EIF4E3: variants seen among roughly 807,000 people sequenced by gnomAD.
EIF4E3 encodes eukaryotic translation initiation factor 4E type 3.
A neutral mutation model predicts 31.7 loss-of-function variants in EIF4E3; 26 were observed. The observed-to-expected ratio is 0.82, with a 90% CI of 0.60 to 1.14. The LOEUF (loss-of-function observed/expected upper bound fraction) is 1.14, where lower values mean the gene tolerates loss of function less well. Ranked by LOEUF, EIF4E3 falls within the 50% of genes most tolerant of loss-of-function variation. The pLI, the probability that EIF4E3 is intolerant of heterozygous loss-of-function variation, is 0.00. For synonymous variants in EIF4E3, 128 were observed against 107.7 expected, an observed-to-expected ratio of 1.19 and a Z score of -1.17; for missense variants, 304 against 270.9, an observed-to-expected ratio of 1.12 and a Z score of -0.86.
At chr3:71,729,838 G>GTGTGTGTGTGTGTGTGTT (rs1367476617), upstream of EIF4E3, among the ~76,000 whole-genome samples, 1 of 149,962 alleles carries the variant, frequency 6.7e-6, no homozygotes, top group Admixed American at 6.7e-5. Context: ...GTGTGTGTGT[G>GTGTGTGTGTGTGTGTGTT]TATTTAAGTG....
upstream of EIF4E3, chr3:71,753,740 A>T (rs537792030): frequency 1.3e-3 from 199 of 149,654 alleles, no homozygotes; most frequent in Non-Finnish European, 2.5e-3. Context: ...GCAGCGGAGG[A>T]GTAGGAGGAG....
intron 1 of EIF4E3, among the ~76,000 whole-genome samples, chr3:71,712,644 G>GGGGGTGGC (rs35405190): frequency 8.1e-6 from 1 of 123,988 alleles, no homozygotes; most frequent in East Asian, 2.6e-4. Flanking sequence ...GTGGGCGGGG[G>GGGGGTGGC]AGATTCTAGG....
chr3:71,684,630 A>T lies in EIF4E3; in HGVS notation c.*52T>A. 1 of 1,609,788 alleles carries T rather than the reference A, an allele frequency of 6.2e-7. No homozygotes were observed. The highest frequency in any genetic ancestry group is 8.5e-7 in the Non-Finnish European group (1 of 1,176,528). On this transcript the variant is annotated 3_prime_UTR_variant, in exon 7 of 7. Transcript: ENST00000425534. ...TCTCTTCACTCTCCCTCCTGTTAAG[A>T]CCGTTTCCAAAACCAATCAGCAAAG...
chr3:71,666,852 C>T, the EIF4E3 span, among the ~76,000 whole-genome samples: 1 of 152,002 alleles, frequency 6.6e-6, no homozygotes, highest in Admixed American at 6.5e-5. Context: ...GGCAGGAGAA[C>T]AGCTTCAACT....
At position 71,680,425 on chromosome 3, in the gene EIF4E3, G is replaced by A. The variant is rs1244793595; in HGVS notation, c.*4257C>T. 6.6e-6 allele frequency: 1 copy of A among 152,086 alleles called. No homozygotes were observed. The highest frequency in any genetic ancestry group is 1.5e-5 in the Non-Finnish European group (1 of 68,006). The allele number at this position is 152,086 out of a possible 1,614,324, so 9.4% of individuals were successfully genotyped here. ...GAAGCACTGGTAGATGATCTCAAAG[G>A]TCCCTTCCACTCTAAAATTCTAAGA... On this transcript the variant is annotated 3_prime_UTR_variant, in exon 7 of 7. Coordinates refer to ENST00000425534, the MANE Select transcript of EIF4E3 (RefSeq NM_001134651.2).
At chr3:71,669,473 A>G in the EIF4E3 span, among the ~76,000 whole-genome samples, 2 of 152,200 alleles carry the variant, frequency 1.3e-5, no homozygotes, top group Non-Finnish European at 2.9e-5. Flanking sequence ...TTGTCCCCCA[A>G]CAATTGAATT....
chr3:71,662,214 T>C, the EIF4E3 span, among the ~76,000 whole-genome samples: 2 of 152,156 alleles, frequency 1.3e-5, no homozygotes, highest in Admixed American at 1.3e-4. Flanking sequence ...ATAGAACCAC[T>C]TTCCACCAAT....
In EIF4E3 at chr3:71,693,896, A is replaced by T; in HGVS notation, c.451T>A (p.Phe151Ile). The T allele has an allele frequency of 1.3e-6, 2 of 1,583,642 alleles. No homozygotes were observed. The highest frequency in any genetic ancestry group is 1.7e-6 in the Non-Finnish European group (2 of 1,164,716). The change falls in exon 5 of 7, where the codon TTC (phenylalanine) becomes ATC (isoleucine). Residue 151 changes from phenylalanine to isoleucine, a missense_variant. Transcript: ENST00000425534. Reference sequence around the variant, plus strand: ...TTACCTGCTGCGGCACAGTCTGTGAACTGTTCCCCGATGGTTGCTAACAGC... The same window carrying T: ...TTACCTGCTGCGGCACAGTCTGTGATCTGTTCCCCGATGGTTGCTAACAGC... The part of the protein sequence containing the change: ...ELLLATIGEQ[F>I]TDCAAADDEV...
intron 1 of EIF4E3, among the ~76,000 whole-genome samples, chr3:71,747,244 C>A (rs775113959): frequency 6.6e-6 from 1 of 152,184 alleles, no homozygotes; most frequent in Non-Finnish European, 1.5e-5. Flanking sequence ...CCACCCCCAC[C>A]AGCATCATCT....
chr3:71,698,075 CATT>C (rs1340979779), intron 3 of EIF4E3, among the ~76,000 whole-genome samples: 15 of 152,172 alleles, frequency 9.9e-5, no homozygotes, highest in Non-Finnish European at 1.6e-4. Context: ...CACCAGCATT[CATT>C]ATTACCTGTC....
At chr3:71,693,802 A>G in intron 5 of EIF4E3, 73 bp downstream of exon 5, 3 of 1,337,806 alleles carry the variant, frequency 2.2e-6, no homozygotes, top group South Asian at 3.0e-5. Context: ...ACGTGATAAC[A>G]AGCTGCTGCA....
the EIF4E3 span, among the ~76,000 whole-genome samples, chr3:71,662,454 T>C: frequency 3.9e-5 from 6 of 152,230 alleles, no homozygotes; most frequent in Non-Finnish European, 8.8e-5. Context: ...GCCTCATATA[T>C]TGAAAGTGCT....
Position 71,732,237 on chromosome 3 carries a change from A to G in EIF4E3, c.-290-3614T>C, listed in dbSNP as rs138017096. On this transcript the variant is annotated intron_variant, in intron 1 of 7. Coordinates refer to the EIF4E3 transcript ENST00000295612. ...GAGACCTTTCTTCTCTCCTCTGACC[A>G]TCTAAATTGTCTAACCATCCTTCAA... 2.0e-3 allele frequency among the ~76,000 whole-genome samples: 300 copies of G among 152,222 alleles called. 1 individual carries two copies. The highest frequency in any genetic ancestry group is 6.9e-3 in the African/African-American group (285 of 41,534).
At position 71,725,328 on chromosome 3, in the gene EIF4E3, G is replaced by A. The variant is rs967310001; in HGVS notation, c.40C>T (p.Arg14Trp). ...PPAAAPPAGA[R>W]EPPGSRAAAA... is the part of the protein sequence containing the mutation. ...GCGGCGCGGGACCCCGGCGGCTCCCGGGCCCCGGCGGGGGGCGCGGCGGCC... is the reference window on the plus strand; with the variant it reads ...GCGGCGCGGGACCCCGGCGGCTCCCAGGCCCCGGCGGGGGGCGCGGCGGCC... Residue 14 changes from arginine (R) to tryptophan (W), a missense_variant, in exon 1 of 7, where the codon CGG becomes TGG. Coordinates refer to ENST00000425534, the MANE Select transcript of EIF4E3 (RefSeq NM_001134651.2). The surrounding 1 kb of genome is among the most constrained non-coding windows in gnomAD (Gnocchi z 6.1). 2.3e-5 allele frequency: 22 copies of A among 969,192 alleles called. No individual in the cohort carries two copies. Among genetic ancestry groups the A allele is most frequent in the South Asian group, 4.6e-5 (1 of 21,712 alleles). The allele number at this position is 969,192 out of a possible 1,614,324, so 60.0% of individuals were successfully genotyped here.
chr3:71,711,804 C>T (rs1388352752), intron 1 of EIF4E3, among the ~76,000 whole-genome samples: 2 of 152,012 alleles, frequency 1.3e-5, no homozygotes, highest in Admixed American at 6.6e-5. Context: ...TGGTGAAAAC[C>T]CACCTCTACT....
chr3:71,731,192 C>T (rs945130571), intron 1 of EIF4E3, among the ~76,000 whole-genome samples: 1 of 152,182 alleles, frequency 6.6e-6, no homozygotes, highest in African/African-American at 2.4e-5. Flanking sequence ...AGTCCTCAAA[C>T]ACTGGTTTGC....
chr3:71,700,592 C>G (rs1449054410), intron 2 of EIF4E3, among the ~76,000 whole-genome samples: 1 of 135,266 alleles, frequency 7.4e-6, no homozygotes, highest in Non-Finnish European at 1.5e-5. Flanking sequence ...CCAGCCTGGG[C>G]AACAGGGCGA....
upstream of EIF4E3, chr3:71,753,738 G>C (rs1200338998): frequency 6.6e-6 from 1 of 151,294 alleles, no homozygotes; most frequent in South Asian, 1.8e-4. Context: ...CAGCAGCGGA[G>C]GAGTAGGAGG....
chr3:71,744,203 C>A (rs1051736859), intron 1 of EIF4E3, among the ~76,000 whole-genome samples: 3 of 151,102 alleles, frequency 2.0e-5, no homozygotes, highest in African/African-American at 7.3e-5. Context: ...ATCTTATATC[C>A]AAAAAAGAAC....
Sources: allele counts gnomAD v4.1 joint callset (sites outside exome capture counted in the v4.1 genomes callset), GRCh38; gene constraint gnomAD v4.1.1; non-coding constraint Gnocchi (gnomAD v3.1); transcripts MANE v1.5; gene names NCBI Gene and HGNC (gene_info 2026-07-23, HGNC 2026-07-21).